PCDHGA8: variants seen among roughly 807,000 people sequenced by gnomAD.
PCDHGA8 encodes the protein protocadherin gamma-A8.
Under a neutral mutation model 59.2 loss-of-function variants are expected in PCDHGA8, and 45 were observed. The ratio of observed to expected loss-of-function variants is 0.76; its 90% CI spans 0.60 to 0.98. PCDHGA8 has a LOEUF of 0.98. PCDHGA8 is among the 50% of genes least tolerant of loss of function. The pLI, the probability that PCDHGA8 is intolerant of heterozygous loss-of-function variation, is 0.00. For missense variants in PCDHGA8, 1,257 were observed against 1,196.2 expected (o/e 1.05, Z -0.75); for synonymous variants, 531 against 519.0 (o/e 1.02, Z -0.32).
intron 1 of PCDHGA8, chr5:141,399,029 A>G: frequency 6.2e-7 from 1 of 1,613,912 alleles, no homozygotes. Context: ...ACCACTCAAA[A>G]GAAACTGGAT....
chr5:141,414,334 A>G, intron 1 of PCDHGA8: 6 of 1,613,782 alleles, frequency 3.7e-6, no homozygotes, highest in Non-Finnish European at 5.1e-6. Flanking sequence ...TGGACAGGTA[A>G]CCTGTTCCAT....
In PCDHGA8 at chr5:141,512,926, T is replaced by C. The variant is rs1438111849; in HGVS notation, c.*1753T>C. The C allele has an allele frequency of 6.6e-6, 1 of 152,216 alleles. No homozygotes were observed. The highest frequency in any genetic ancestry group is 1.5e-5 in the Non-Finnish European group (1 of 68,048). 9.4% of individuals were successfully genotyped at this position (152,216 alleles called of 1,614,324 possible). A position where few individuals can be genotyped will look rare whatever the true frequency, so the allele number is the denominator to read the frequency against. On this transcript the variant is annotated 3_prime_UTR_variant, in exon 4 of 4. Coordinates refer to ENST00000398604, the MANE Select transcript of PCDHGA8 (RefSeq NM_032088.2). ...CGCAAGTTTTATACTCTAATATTTA[T>C]ATGGCTTTTTTTCTTCGACAAAAAA...
At chr5:141,422,110 T>A in intron 1 of PCDHGA8, 1 of 1,606,626 alleles carries the variant, frequency 6.2e-7, no homozygotes, top group South Asian at 1.1e-5. Flanking sequence ...AATATTCCAA[T>A]TGGATTCACA....
chr5:141,415,123 G>A (rs1349224471), intron 1 of PCDHGA8: 3 of 1,613,540 alleles, frequency 1.9e-6, no homozygotes, highest in African/African-American at 1.3e-5. Context: ...CGTAGTGGCC[G>A]TCCAGGACCA....
chr5:141,485,434 G>A lies in PCDHGA8; in HGVS notation c.2425-9373G>A. The A allele has an allele frequency of 6.2e-7, 1 of 1,614,166 alleles. No individual in the cohort carries two copies. The highest frequency in any genetic ancestry group is 8.5e-7 in the Non-Finnish European group (1 of 1,180,018). On this transcript the variant is annotated intron_variant, in intron 1 of 3. Coordinates refer to ENST00000398604, the MANE Select transcript of PCDHGA8 (RefSeq NM_032088.2). This position sits in a 1 kb window ranked among gnomAD's most constrained non-coding sequence, Gnocchi z 5.7. ...TGGACAGCGGAGCCCTGCTCATCAA[G>A]AACCCAATCGACCGAGAGGCACTGT...
At chr5:141,500,355 C>G (rs539892249) in intron 2 of PCDHGA8, among the ~76,000 whole-genome samples, 2 of 151,912 alleles carry the variant, frequency 1.3e-5, no homozygotes, top group Non-Finnish European at 2.9e-5. Flanking sequence ...ACTACAGGCG[C>G]CCACTACCAC....
intron 1 of PCDHGA8, chr5:141,428,184 C>G: frequency 6.8e-7 from 1 of 1,463,674 alleles, no homozygotes; most frequent in Middle Eastern, 1.7e-4. Flanking sequence ...GGAGGACAGC[C>G]GCCGCTCTCT....
intron 1 of PCDHGA8, among the ~76,000 whole-genome samples, chr5:141,470,714 T>C (rs1416956410): frequency 1.3e-5 from 2 of 152,152 alleles, no homozygotes; most frequent in Non-Finnish European, 2.9e-5. Context: ...TTTTATTTTT[T>C]TGAGTCAGGG....
rs201968743 is a variant in PCDHGA8, at chr5:141,490,095, A to G, written c.2425-4712A>G. On this transcript the variant is annotated intron_variant, in intron 1 of 3. Coordinates refer to ENST00000398604, the MANE Select transcript of PCDHGA8 (RefSeq NM_032088.2). The surrounding 1 kb of genome is among the most constrained non-coding windows in gnomAD (Gnocchi z 5.4). ...TAGACTATTCTTTTGGAGACCACAC[A>G]TCTGAGGCAGTGCGGAACCTCTTTG... 2.4e-4 allele frequency: 394 copies of G among 1,614,156 alleles called. No individual in the cohort carries two copies. The highest frequency in any genetic ancestry group is 3.1e-4 in the Non-Finnish European group (363 of 1,180,054).
rs530540432 is a variant in PCDHGA8 at position 141,394,239 on chromosome 5, G to A, written c.1426G>A (p.Ala476Thr). ...LRGASIFSLTAHDPDSQENAQ... is the reference protein window; with the variant it reads ...LRGASIFSLTTHDPDSQENAQ... ...AGGAGCCTCCATCTTTTCCTTGACT[G>A]CACACGACCCCGACAGCCAGGAGAA... The change falls in exon 1 of 4, where the codon GCA becomes ACA. Residue 476 changes from alanine (A) to threonine (T), a missense_variant. Physicochemically the swap from Ala to Thr is moderately conservative, Grantham distance 58 (BLOSUM62 0). Transcript: ENST00000398604. The A allele has an allele frequency of 6.2e-7, 1 of 1,613,868 alleles. No homozygotes were observed. The highest frequency in any genetic ancestry group is 1.1e-5 in the South Asian group (1 of 91,068).
chr5:141,436,594 G>A (rs79477223), intron 1 of PCDHGA8, among the ~76,000 whole-genome samples: 2 of 152,106 alleles, frequency 1.3e-5, no homozygotes, highest in African/African-American at 2.4e-5. Flanking sequence ...AAAGGTCGTG[G>A]TGATGGCTAG....
At chr5:141,428,019 G>C in intron 1 of PCDHGA8, 1 of 1,604,824 alleles carries the variant, frequency 6.2e-7, no homozygotes, top group Non-Finnish European at 8.5e-7. Flanking sequence ...AGTGCCACGC[G>C]CCGCAGAGTC....
Position 141,476,538 on chromosome 5 carries a change from A to G in PCDHGA8, c.2425-18269A>G, listed in dbSNP as rs2099393283. ...CCTGCTTTCCCTACCCAGGAAATGAAATTGGAGATTAGCGAGGCCGTGGCT... is the reference window on the plus strand; with the variant it reads ...CCTGCTTTCCCTACCCAGGAAATGAGATTGGAGATTAGCGAGGCCGTGGCT... On this transcript the variant is annotated intron_variant, in intron 1 of 3. Coordinates refer to ENST00000398604, the MANE Select transcript of PCDHGA8 (RefSeq NM_032088.2). The surrounding 1 kb of genome is among the most constrained non-coding windows in gnomAD (Gnocchi z 7.6). 1.2e-6 allele frequency: 2 copies of G among 1,614,162 alleles called. No homozygotes were observed. Among genetic ancestry groups the G allele is most frequent in the Non-Finnish European group, 1.7e-6 (2 of 1,180,042 alleles).
At chr5:141,419,570 G>T in intron 1 of PCDHGA8, 1 of 1,611,766 alleles carries the variant, frequency 6.2e-7, no homozygotes. Context: ...GGGTCCCGAC[G>T]GCTCCGCGCT....
intron 1 of PCDHGA8, among the ~76,000 whole-genome samples, chr5:141,448,768 G>A (rs544426582): frequency 1.3e-5 from 2 of 151,632 alleles, no homozygotes; most frequent in Non-Finnish European, 2.9e-5. Flanking sequence ...GTGAAACCCC[G>A]TCTGTACTAA....
intron 1 of PCDHGA8, chr5:141,427,490 T>C (rs752745429): frequency 1.8e-6 from 1 of 551,082 alleles, no homozygotes; most frequent in Non-Finnish European, 3.5e-6. Flanking sequence ...ACTATAAGCT[T>C]GTAACAGATG....
At chr5:141,441,703 A>C (rs1329703451) in intron 1 of PCDHGA8, 2 of 312,092 alleles carry the variant, frequency 6.4e-6, no homozygotes, top group Non-Finnish European at 1.3e-5. Context: ...CGAGCCTTCA[A>C]GCTCACGCTG....
chr5:141,421,243 C>A (rs201273667), intron 1 of PCDHGA8: 1 of 1,601,658 alleles, frequency 6.2e-7, no homozygotes. Flanking sequence ...GAATCGGCTA[C>A]AGCGCGGGGA....
Position 141,431,241 on chromosome 5 carries a change from A to T in PCDHGA8, c.2424+36004A>T. On this transcript the variant is annotated intron_variant, in intron 1 of 3. Coordinates refer to ENST00000398604, the MANE Select transcript of PCDHGA8 (RefSeq NM_032088.2). This position sits in a 1 kb window ranked among gnomAD's most constrained non-coding sequence, Gnocchi z 4.8. ...CCTCTACCCCACGCCTGGGATCCGG[A>T]TATCGGGAAGAACTCTCTGCAGAGC... The T allele has an allele frequency of 6.2e-7, 1 of 1,614,138 alleles. No individual in the cohort carries two copies. The highest frequency in any genetic ancestry group is 8.5e-7 in the Non-Finnish European group (1 of 1,180,046).
Sources: allele counts gnomAD v4.1 joint callset (sites outside exome capture counted in the v4.1 genomes callset), GRCh38; gene constraint gnomAD v4.1.1; non-coding constraint Gnocchi (gnomAD v3.1); transcripts MANE v1.5; gene names NCBI Gene and HGNC (gene_info 2026-07-23, HGNC 2026-07-21).